The following ANO2 variants were observed in gnomAD, a reference collection of about 807,000 sequenced individuals.
The protein encoded by ANO2 is anoctamin 2.
ANO2 carries 101 observed loss-of-function variants against 124.2 expected under a neutral mutation model. That is an observed-to-expected ratio of 0.81 (90% CI 0.69 to 0.96). The LOEUF (loss-of-function observed/expected upper bound fraction) is 0.96. ANO2 is among the 40% of genes least tolerant of loss of function. The probability of loss-of-function intolerance (pLI) is 0.00; values close to 1 mark genes in which losing one functional copy is unlikely to be tolerated. For missense variants in ANO2, 1,293 were observed against 1,274.5 expected (o/e 1.01, Z -0.22); for synonymous variants, 486 against 482.5 (o/e 1.01, Z -0.09).
intron 7 of ANO2, among the ~76,000 whole-genome samples, chr12:5,826,178 T>C (rs1953947667): frequency 6.6e-6 from 1 of 152,184 alleles, no homozygotes; most frequent in Non-Finnish European, 1.5e-5. Flanking sequence ...TGGGGATGAG[T>C]GCATTTCCGG....
At chr12:5,578,216 G>T in intron 21 of ANO2, 150 bp downstream of exon 21, 1 of 1,258,546 alleles carries the variant, frequency 7.9e-7, no homozygotes, top group Non-Finnish European at 1.1e-6. Flanking sequence ...CTCAGAAGGC[G>T]TCCCTGCACT....
At chr12:5,933,245 G>A (rs1298819902) in intron 1 of ANO2, among the ~76,000 whole-genome samples, 4 of 152,160 alleles carry the variant, frequency 2.6e-5, no homozygotes, top group Admixed American at 2.6e-4. Flanking sequence ...AGCCACACAT[G>A]CACAGAAACT....
Position 5,846,326 on chromosome 12 carries a change from C to T in ANO2, c.633+7717G>A, listed in dbSNP as rs116896439. ...AGTCATCATAGACATGCCAAGGTCA[C>T]GTAGGAAGATCCATGCACCAAGTCT... On this transcript the variant is annotated intron_variant, in intron 4 of 24. Coordinates refer to ENST00000682330, the MANE Select transcript of ANO2 (RefSeq NM_001364791.2). Among the ~76,000 whole-genome samples, 391 of 152,254 alleles carry T rather than the reference C, an allele frequency of 2.6e-3. 13 individuals carry two copies. In the East Asian group the frequency reaches 0.069, roughly 27 times the overall value.
intron 15 of ANO2, among the ~76,000 whole-genome samples, chr12:5,644,336 T>C (rs1225244112): frequency 1.3e-5 from 2 of 152,234 alleles, no homozygotes; most frequent in Non-Finnish European, 2.9e-5. Context: ...GTTTTCTATT[T>C]TGTTCCATTG....
chr12:5,945,404 G>T, upstream of ANO2: 1 of 486,984 alleles, frequency 2.1e-6, no homozygotes, highest in Non-Finnish European at 2.7e-6. Context: ...TCTCCCCGCT[G>T]CGCCCTGGGC....
intron 14 of ANO2, among the ~76,000 whole-genome samples, chr12:5,710,413 C>T (rs150429264): frequency 6.6e-6 from 1 of 152,354 alleles, no homozygotes; most frequent in Non-Finnish European, 1.5e-5. Context: ...CCCACCCCCA[C>T]ATTTCCAAAA....
At chr12:5,790,837 T>C (rs1376965446) in intron 10 of ANO2, among the ~76,000 whole-genome samples, 2 of 152,186 alleles carry the variant, frequency 1.3e-5, no homozygotes, top group African/African-American at 4.8e-5. Flanking sequence ...CAGCAGATCC[T>C]GATGCAGGGA....
chr12:5,663,766 C>G (rs1947560435), intron 14 of ANO2, among the ~76,000 whole-genome samples: 1 of 152,196 alleles, frequency 6.6e-6, no homozygotes, highest in African/African-American at 2.4e-5. Context: ...GGAATTTGTT[C>G]TGACCCTCAA....
chr12:5,845,880 C>T (rs891847835), intron 4 of ANO2, among the ~76,000 whole-genome samples: 34 of 152,168 alleles, frequency 2.2e-4, no homozygotes, highest in Admixed American at 2.0e-3. Flanking sequence ...AAACAAATCA[C>T]GTACATAAGG....
At chr12:5,768,487 C>T (rs10774372) in intron 10 of ANO2, among the ~76,000 whole-genome samples, 43,383 of 152,136 alleles carry the variant, frequency 0.29, 6,792 homozygotes, top group African/African-American at 0.42. Flanking sequence ...TGAGCAGAGA[C>T]ATTTCATATT....
chr12:5,746,148 T>C (rs1476602198), intron 11 of ANO2, among the ~76,000 whole-genome samples: 1 of 152,204 alleles, frequency 6.6e-6, no homozygotes, highest in Non-Finnish European at 1.5e-5. Context: ...AGAAACCTAG[T>C]CAACTGAATC....
At chr12:5,851,454 G>A (rs935386139) in intron 4 of ANO2, among the ~76,000 whole-genome samples, 3 of 152,094 alleles carry the variant, frequency 2.0e-5, no homozygotes, top group Admixed American at 6.6e-5. Context: ...TTGGGAAGCC[G>A]AGGCGGGCAG....
intron 14 of ANO2, among the ~76,000 whole-genome samples, chr12:5,673,608 A>G (rs1325013636): frequency 2.6e-5 from 4 of 152,158 alleles, no homozygotes; most frequent in Admixed American, 6.5e-5. Context: ...TAAAATAAAC[A>G]TTAGTTGAAT....
chr12:5,694,328 G>T (rs1949078364), intron 14 of ANO2, among the ~76,000 whole-genome samples: 1 of 150,646 alleles, frequency 6.6e-6, no homozygotes, highest in Non-Finnish European at 1.5e-5. Context: ...AGCTAGAGGA[G>T]AGAGAAGGAG....
At chr12:5,709,837 G>C (rs1370412292) in intron 14 of ANO2, among the ~76,000 whole-genome samples, 2 of 152,232 alleles carry the variant, frequency 1.3e-5, no homozygotes, top group Non-Finnish European at 2.9e-5. Flanking sequence ...AGAAGGTCTT[G>C]GGGTCATAGA....
chr12:5,681,441 C>T (rs1049417574), intron 14 of ANO2, among the ~76,000 whole-genome samples: 2 of 152,156 alleles, frequency 1.3e-5, no homozygotes, highest in Non-Finnish European at 2.9e-5. Context: ...AATATCCCAC[C>T]AGGATGAGGC....
intron 16 of ANO2, among the ~76,000 whole-genome samples, chr12:5,621,541 G>A (rs952200006): frequency 6.6e-6 from 1 of 152,190 alleles, no homozygotes; most frequent in African/African-American, 2.4e-5. Flanking sequence ...GGGAGGGGAA[G>A]GGCAGAGAGG....
At chr12:5,852,512 C>T (rs73255168) in intron 4 of ANO2, among the ~76,000 whole-genome samples, 3,545 of 152,184 alleles carry the variant, frequency 0.023, 130 homozygotes, top group African/African-American at 0.077. Context: ...AAGAACAGAA[C>T]CCATAGACTT....
intron 3 of ANO2, among the ~76,000 whole-genome samples, chr12:5,883,646 C>A (rs564290466): frequency 6.6e-6 from 1 of 151,902 alleles, no homozygotes; most frequent in Non-Finnish European, 1.5e-5. Flanking sequence ...GGCTCTAGGC[C>A]GGGAGCCCAG....
Sources: gnomAD v4.1 joint callset for allele counts (sites outside exome capture counted in the v4.1 genomes callset) on GRCh38, gnomAD v4.1.1 for gene constraint, MANE v1.5 for transcripts, NCBI Gene and HGNC (gene_info 2026-07-23, HGNC 2026-07-21) for gene names.